DCDC2C: variants seen among roughly 807,000 people sequenced by gnomAD.
The protein encoded by DCDC2C is doublecortin domain-containing protein 2C.
DCDC2C carries 44 observed loss-of-function variants against 45.0 expected under a neutral mutation model. The observed-to-expected ratio is 0.98, with a 90% CI of 0.77 to 1.26. The LOEUF is 1.26. Ranked by LOEUF, DCDC2C falls within the 50% of genes most tolerant of loss-of-function variation. The probability of loss-of-function intolerance (pLI) is 0.00; values close to 1 mark genes in which losing one functional copy is unlikely to be tolerated. For missense variants in DCDC2C, 447 were observed against 468.9 expected, an observed-to-expected ratio of 0.95 and a Z score of 0.43; for synonymous variants, 187 against 178.8, an observed-to-expected ratio of 1.05 and a Z score of -0.37.
At chr2:3,804,521 C>G (rs1442538748) in intron 10 of DCDC2C, among the ~76,000 whole-genome samples, 1 of 152,118 alleles carries the variant, frequency 6.6e-6, no homozygotes, top group Non-Finnish European at 1.5e-5. Context: ...TATTGTCATG[C>G]TTACACTTGA....
intron 2 of DCDC2C, among the ~76,000 whole-genome samples, chr2:3,720,310 A>G (rs1395628926): frequency 6.6e-6 from 1 of 152,216 alleles, no homozygotes; most frequent in Non-Finnish European, 1.5e-5. Context: ...AACATTCTGC[A>G]TCAGGAACAG....
rs530279142 is a variant in DCDC2C, at chr2:3,791,767, C to T, written c.1065+6667C>T. On this transcript the variant is annotated intron_variant, in intron 10 of 10. Transcript: ENST00000399143. ...AGGCTGGGCCAGCACTCTTCCTCCC[C>T]TCCCGCCGGCAGAATGTCTTCTCCT... 2.0e-5 allele frequency among the ~76,000 whole-genome samples: 3 copies of T among 152,352 alleles called. No individual in the cohort carries two copies. In the East Asian group the frequency reaches 5.8e-4, roughly 29 times the overall value.
At chr2:3,741,690 C>T (rs575490964) in intron 3 of DCDC2C, among the ~76,000 whole-genome samples, 1 of 147,638 alleles carries the variant, frequency 6.8e-6, no homozygotes, top group East Asian at 1.9e-4. Context: ...AACAAAAGCA[C>T]ACATACACAC....
intron 8 of DCDC2C, among the ~76,000 whole-genome samples, chr2:3,769,761 C>T (rs74884749): frequency 0.1 from 15,415 of 152,264 alleles, 1,063 homozygotes; most frequent in East Asian, 0.3. Context: ...CTGTACCTCA[C>T]AGAATTCCCG....
At chr2:3,746,223 C>T (rs1008323396) in intron 4 of DCDC2C, among the ~76,000 whole-genome samples, 12 of 152,220 alleles carry the variant, frequency 7.9e-5, no homozygotes, top group East Asian at 1.9e-4. Context: ...AGCACACGGC[C>T]GGGGGAGCCC....
In DCDC2C at chr2:3,813,059, ATATATATATTTTTTTTT is replaced by A. The variant is rs1334007522; in HGVS notation, c.1065+27961_1065+27977del. 4.4e-3 allele frequency among the ~76,000 whole-genome samples: 208 copies of A among 47,810 alleles called. 6 individuals carry two copies. Among genetic ancestry groups the A allele is most frequent in the Non-Finnish European group, 6.4e-3 (165 of 25,828 alleles). The allele number at this position is 47,810 out of a possible 152,430, so 31.4% of individuals were successfully genotyped here. A position where few individuals can be genotyped will look rare whatever the true frequency, so the allele number is the denominator to read the frequency against. Reference sequence around the variant, plus strand: ...AGAACGTATATATATATATATATATATATATATATTTTTTTTTTTTTGCTGTTTTTGAGATGGAATCT... The same window carrying A: ...AGAACGTATATATATATATATATATATTTTGCTGTTTTTGAGATGGAATCT... On this transcript the variant is annotated intron_variant, in intron 10 of 10. Transcript: ENST00000399143.
chr2:3,708,890 G>C (rs538565697), intron 2 of DCDC2C, among the ~76,000 whole-genome samples: 1 of 152,172 alleles, frequency 6.6e-6, no homozygotes, highest in South Asian at 2.1e-4. Context: ...TGTTTTGGGG[G>C]GGTTTGGAAA....
chr2:3,828,545 C>T (rs1364376456), intron 10 of DCDC2C, among the ~76,000 whole-genome samples: 2 of 152,230 alleles, frequency 1.3e-5, no homozygotes, highest in Admixed American at 1.3e-4. Flanking sequence ...AGCCGTTTCT[C>T]ACTATGCTGC....
intron 4 of DCDC2C, among the ~76,000 whole-genome samples, chr2:3,751,608 TG>T (rs150513348): frequency 7.0e-4 from 107 of 152,366 alleles, no homozygotes; most frequent in African/African-American, 2.5e-3. Flanking sequence ...CCCAGAACTC[TG>T]AAGCTGACCC....
chr2:3,781,634 A>G (rs1670510587), intron 9 of DCDC2C, among the ~76,000 whole-genome samples: 1 of 152,210 alleles, frequency 6.6e-6, no homozygotes, highest in African/African-American at 2.4e-5. Flanking sequence ...CTAATGCAGG[A>G]GGATTGCTTG....
rs143405230 is a variant in DCDC2C at position 3,786,258 on chromosome 2, T to A, written c.1065+1158T>A. On this transcript the variant is annotated intron_variant, in intron 10 of 10. Coordinates refer to ENST00000399143, the MANE Select transcript of DCDC2C (RefSeq NM_001287444.2). ...GTGTGTCCCGCCTGTGCACGGAACCTCTGATGTGGATGTTTCCCGCCCCCG... is the reference window on the plus strand; with the variant it reads ...GTGTGTCCCGCCTGTGCACGGAACCACTGATGTGGATGTTTCCCGCCCCCG... Among the ~76,000 whole-genome samples, 3 of 150,098 alleles carry A rather than the reference T, an allele frequency of 2.0e-5. No individual in the cohort carries two copies. The East Asian group carries it at 6.0e-4, about 30-fold the overall frequency.
intron 10 of DCDC2C, among the ~76,000 whole-genome samples, chr2:3,798,528 T>G (rs1671023924): frequency 6.6e-6 from 1 of 150,858 alleles, no homozygotes; most frequent in Non-Finnish European, 1.5e-5. Context: ...CTTTCCATGT[T>G]TAGTGCTTCC....
intron 10 of DCDC2C, among the ~76,000 whole-genome samples, chr2:3,835,212 C>A (rs552978656): frequency 1.3e-5 from 2 of 152,144 alleles, no homozygotes; most frequent in Non-Finnish European, 2.9e-5. Flanking sequence ...CTAAGAAATG[C>A]GGGGCGTTCC....
chr2:3,810,345 C>T (rs7584128), intron 10 of DCDC2C, among the ~76,000 whole-genome samples: 4,996 of 152,214 alleles, frequency 0.033, 279 homozygotes, highest in African/African-American at 0.11. Flanking sequence ...TGATGATCAG[C>T]GATGTTGAAC....
chr2:3,833,145 C>T (rs543349841), intron 10 of DCDC2C, among the ~76,000 whole-genome samples: 51 of 152,326 alleles, frequency 3.3e-4, no homozygotes, highest in African/African-American at 1.2e-3. Context: ...TTTGCCATCA[C>T]GTTGCCCTCT....
Position 3,703,702 on chromosome 2 carries a change from C to G in DCDC2C, c.-50C>G. 3.3e-6 allele frequency: 4 copies of G among 1,223,598 alleles called. No individual in the cohort carries two copies. The South Asian group carries it at 1.2e-4, about 38-fold the overall frequency. 75.8% of individuals were successfully genotyped at this position (1,223,598 alleles called of 1,614,324 possible). On this transcript the variant is annotated 5_prime_UTR_variant, in exon 1 of 11. Coordinates refer to ENST00000399143, the MANE Select transcript of DCDC2C (RefSeq NM_001287444.2). This position sits in a 1 kb window ranked among gnomAD's most constrained non-coding sequence, Gnocchi z 4.4. ...GCGCGGCTCTGCAGGCGTCGCTGCC[C>G]GCGCTGCCGCAGCCTCTCGGCCCCG...
chr2:3,761,366 T>A lies in DCDC2C; in HGVS notation c.727-6388T>A, dbSNP rs1264419826. Among the ~76,000 whole-genome samples the A allele has an allele frequency of 6.6e-6, 1 of 152,074 alleles. No individual in the cohort carries two copies. The highest frequency in any genetic ancestry group is 1.5e-5 in the Non-Finnish European group (1 of 67,982). On this transcript the variant is annotated intron_variant, in intron 6 of 10. Coordinates refer to ENST00000399143, the MANE Select transcript of DCDC2C (RefSeq NM_001287444.2). This position sits in a 1 kb window ranked among gnomAD's most constrained non-coding sequence, Gnocchi z 4.3. ...TGAAAAGGAGATAAAGCATATAAAT[T>A]AAGGAGGTGCGTGTGTGTGTGCGTG...
intron 2 of DCDC2C, among the ~76,000 whole-genome samples, chr2:3,719,406 GC>G (rs1474609078): frequency 6.6e-6 from 1 of 152,208 alleles, no homozygotes; most frequent in Non-Finnish European, 1.5e-5. Flanking sequence ...TTTTCCAGGG[GC>G]TCTTTCCCGC....
chr2:3,725,110 C>T (rs1005000674), intron 2 of DCDC2C, among the ~76,000 whole-genome samples: 9 of 152,052 alleles, frequency 5.9e-5, no homozygotes, highest in South Asian at 2.1e-4. Flanking sequence ...AGGTAGGGCC[C>T]GCACCATGGT....
Sources: allele counts gnomAD v4.1 joint callset (sites outside exome capture counted in the v4.1 genomes callset), GRCh38; gene constraint gnomAD v4.1.1; non-coding constraint Gnocchi (gnomAD v3.1); transcripts MANE v1.5; gene names NCBI Gene and HGNC (gene_info 2026-07-23, HGNC 2026-07-21).